PPP4R1: variants seen among roughly 807,000 people sequenced by gnomAD.
The protein encoded by PPP4R1 is serine/threonine-protein phosphatase 4 regulatory subunit 1.
PPP4R1 carries 42 observed loss-of-function variants against 111.2 expected under a neutral mutation model. That is an observed-to-expected ratio of 0.38 (90% CI 0.29 to 0.49). The LOEUF is 0.49. PPP4R1 is among the 20% of genes least tolerant of loss of function. The pLI, the probability that PPP4R1 is intolerant of heterozygous loss-of-function variation, is 0.97. For synonymous variants in PPP4R1, 409 were observed against 405.5 expected (o/e 1.01, Z -0.10); for missense variants, 1,012 against 1,161.6 (o/e 0.87, Z 1.87).
chr18:9,611,831 G>C (rs1216525016), intron 2 of PPP4R1, among the ~76,000 whole-genome samples: 1 of 151,504 alleles, frequency 6.6e-6, no homozygotes, highest in Non-Finnish European at 1.5e-5. Flanking sequence ...GATCAACATG[G>C]AGAAACCCCG....
intron 9 of PPP4R1, among the ~76,000 whole-genome samples, chr18:9,580,491 A>G (rs142293172): frequency 0.048 from 7,372 of 152,034 alleles, 465 homozygotes; most frequent in African/African-American, 0.14. Context: ...CTGGGACTAC[A>G]GGCGCCCGCC....
At chr18:9,555,833 T>C (rs2066564058) in intron 15 of PPP4R1, among the ~76,000 whole-genome samples, 1 of 152,006 alleles carries the variant, frequency 6.6e-6, no homozygotes, top group African/African-American at 2.4e-5. Flanking sequence ...AGGACAATAC[T>C]GGGACAATCA....
In PPP4R1 at chr18:9,581,021, G is replaced by A. The variant is rs866448396; in HGVS notation, c.918+2096C>T. On this transcript the variant is annotated intron_variant, in intron 9 of 19. Transcript: ENST00000400556. ...CCCAAAGCTGTACCTCCTGGAGTGG[G>A]GAAATAGTCTTCACTCAAGCATTCC... Among the ~76,000 whole-genome samples, 3 of 152,176 alleles carry A rather than the reference G, an allele frequency of 2.0e-5. No homozygotes were observed. The South Asian group carries it at 6.2e-4, about 32-fold the overall frequency.
intron 10 of PPP4R1, among the ~76,000 whole-genome samples, chr18:9,576,634 G>A (rs2145150252): frequency 6.6e-6 from 1 of 151,748 alleles, no homozygotes; most frequent in South Asian, 2.1e-4. Flanking sequence ...TGACAGAAAA[G>A]GACAATAAAA....
chr18:9,562,024 T>C lies in PPP4R1; in HGVS notation c.1798A>G (p.Asn600Asp), dbSNP rs1470926003. Residue 600 changes from asparagine to aspartate, a missense_variant, in exon 13 of 20, where the codon AAT (asparagine) becomes GAT (aspartate). Around this residue, in one of 2 missense-constraint regions of PPP4R1, gnomAD observed 707 missense variants for 742.1 expected, o/e 0.95. Coordinates refer to ENST00000400556, the MANE Select transcript of PPP4R1 (RefSeq NM_001042388.3). ...YIHSDSDLSN[N>D]SSFSPDEERR... ...TCCTCATCAGGGCTAAAACTGCTAT[T>C]GTTGCTCAAGTCTGAATCGCTGTGA... The C allele has an allele frequency of 6.2e-7, 1 of 1,613,308 alleles. No individual in the cohort carries two copies. Among genetic ancestry groups the C allele is most frequent in the African/African-American group, 1.3e-5 (1 of 74,902 alleles).
chr18:9,588,961 T>C (rs1568116150), intron 4 of PPP4R1, 108 bp from the exon 5 acceptor site: 1 of 1,353,974 alleles, frequency 7.4e-7, no homozygotes, highest in Admixed American at 2.3e-5. Flanking sequence ...CTTCAAAATA[T>C]AAAGGACTTG....
chr18:9,549,393 G>A (rs780955996), intron 18 of PPP4R1, 55 bp from the exon 19 acceptor site: 28 of 1,546,446 alleles, frequency 1.8e-5, no homozygotes, highest in Non-Finnish European at 2.3e-5. Context: ...CCAAAAACTC[G>A]ACTACTGGCT....
rs2066687733 is a variant in PPP4R1, at chr18:9,562,066, A to T, written c.1756T>A (p.Ser586Thr). The T allele has an allele frequency of 1.9e-6, 3 of 1,609,914 alleles. No individual in the cohort carries two copies. The highest frequency in any genetic ancestry group is 2.6e-6 in the Non-Finnish European group (3 of 1,176,436). The change falls in exon 13 of 20, where the codon TCC becomes ACC. Residue 586 changes from serine to threonine, a missense_variant. By Grantham distance (58) the Ser-to-Thr change is moderately conservative. Coordinates refer to ENST00000400556, the MANE Select transcript of PPP4R1 (RefSeq NM_001042388.3). ...TCGCTGTGAATATAGTGAAGAGTGG[A>T]GTCCATATTCTGTTAGGAAAAAATA... ...LISDAVENMD[S>T]TLHYIHSDSD...
chr18:9,615,072 C>G (rs983774528), upstream of PPP4R1: 1 of 152,302 alleles, frequency 6.6e-6, no homozygotes, highest in Non-Finnish European at 1.5e-5. Flanking sequence ...GGCCGGGGTC[C>G]CACCTCCTCT....
chr18:9,602,491 A>C (rs968000191), intron 2 of PPP4R1, among the ~76,000 whole-genome samples: 2 of 149,518 alleles, frequency 1.3e-5, no homozygotes, highest in African/African-American at 5.0e-5. Context: ...GCTTGCAGTG[A>C]GCCGAGATTG....
chr18:9,562,732 A>G (rs1278228859), intron 12 of PPP4R1, among the ~76,000 whole-genome samples: 1 of 152,176 alleles, frequency 6.6e-6, no homozygotes, highest in Non-Finnish European at 1.5e-5. Context: ...CATTCAAGCC[A>G]CTATGATCTG....
intron 4 of PPP4R1, among the ~76,000 whole-genome samples, chr18:9,591,232 C>T (rs973571148): frequency 2.0e-4 from 30 of 151,712 alleles, no homozygotes; most frequent in Non-Finnish European, 4.0e-4. Context: ...CCTGTAATCC[C>T]ACCACTCGAG....
intron 2 of PPP4R1, among the ~76,000 whole-genome samples, chr18:9,602,367 TAAA>T (rs11324056): frequency 3.4e-3 from 155 of 45,164 alleles, no homozygotes; most frequent in African/African-American, 0.014. Context: ...CCATCTCTAC[TAAA>T]AAAAAAAAAA....
intron 19 of PPP4R1, among the ~76,000 whole-genome samples, chr18:9,548,217 T>A (rs192838141): frequency 6.8e-6 from 1 of 147,546 alleles, no homozygotes; most frequent in Admixed American, 6.9e-5. Context: ...AATAAATAGA[T>A]GAAAACATCA....
At chr18:9,600,298 TA>T (rs2067360736) in intron 2 of PPP4R1, among the ~76,000 whole-genome samples, 1 of 148,732 alleles carries the variant, frequency 6.7e-6, no homozygotes, top group South Asian at 2.1e-4. Flanking sequence ...AATTGAGTAC[TA>T]AAAAATATTC....
At chr18:9,568,307 A>G (rs2066803793) in intron 11 of PPP4R1, among the ~76,000 whole-genome samples, 1 of 152,302 alleles carries the variant, frequency 6.6e-6, no homozygotes, top group South Asian at 2.1e-4. Flanking sequence ...TTACAGGTGC[A>G]AGCCACTGCA....
At chr18:9,585,607 A>C (rs1270748326) in intron 6 of PPP4R1, among the ~76,000 whole-genome samples, 1 of 152,220 alleles carries the variant, frequency 6.6e-6, no homozygotes, top group African/African-American at 2.4e-5. Flanking sequence ...AATTCTCTCT[A>C]TTCAAATACG....
At chr18:9,584,925 A>G (rs184525440) in intron 6 of PPP4R1, 97 bp from the exon 7 acceptor site, 1 of 977,652 alleles carries the variant, frequency 1.0e-6, no homozygotes, top group Admixed American at 2.5e-5. Flanking sequence ...GAAACATAAA[A>G]TATGATATGG....
At chr18:9,587,413 G>GTTT (rs1273581233) in intron 6 of PPP4R1, 1 of 102,192 alleles carries the variant, frequency 9.8e-6, no homozygotes, top group African/African-American at 3.9e-5. Flanking sequence ...TTTTTGTTTT[G>GTTT]TTTTTTTAAG....
Sources: allele counts gnomAD v4.1 joint callset (sites outside exome capture counted in the v4.1 genomes callset), GRCh38; gene constraint gnomAD v4.1.1; regional missense constraint gnomAD v4.1.1; transcripts MANE v1.5; gene names NCBI Gene and HGNC (gene_info 2026-07-23, HGNC 2026-07-21).